The following ZNF804B variants were observed in gnomAD, a reference collection of about 807,000 sequenced individuals.
ZNF804B encodes the protein zinc finger 804B.
Under a neutral mutation model 101.4 loss-of-function variants are expected in ZNF804B, and 80 were observed. The ratio of observed to expected loss-of-function variants is 0.79; its 90% CI spans 0.66 to 0.95. The LOEUF (loss-of-function observed/expected upper bound fraction) is 0.95, where lower values mean the gene tolerates loss of function less well. Among genes scored for constraint, ZNF804B ranks in the 40% least tolerant of loss-of-function variants. ZNF804B has a pLI of 0.00. For synonymous variants in ZNF804B, 622 were observed against 558.8 expected, an observed-to-expected ratio of 1.11 and a Z score of -1.59; for missense variants, 1,673 against 1,561.9, an observed-to-expected ratio of 1.07 and a Z score of -1.20.
chr7:89,058,098 A>G (rs1027528072), intron 1 of ZNF804B, among the ~76,000 whole-genome samples: 4 of 152,134 alleles, frequency 2.6e-5, no homozygotes, highest in Admixed American at 1.3e-4. Flanking sequence ...CCATTTCATT[A>G]ACTTTGATTA....
chr7:89,100,340 G>A (rs1790035992), intron 1 of ZNF804B, among the ~76,000 whole-genome samples: 1 of 152,106 alleles, frequency 6.6e-6, no homozygotes, highest in Non-Finnish European at 1.5e-5. Context: ...TTAAATCGAA[G>A]CCATCCAACT....
intron 2 of ZNF804B, among the ~76,000 whole-genome samples, chr7:89,323,312 G>A (rs1562945565): frequency 6.6e-6 from 1 of 152,164 alleles, no homozygotes; most frequent in African/African-American, 2.4e-5. Context: ...ACACTAGAAT[G>A]ACACAAGAAC....
At chr7:89,160,932 T>C (rs1274902454) in intron 1 of ZNF804B, among the ~76,000 whole-genome samples, 1 of 152,178 alleles carries the variant, frequency 6.6e-6, no homozygotes, top group African/African-American at 2.4e-5. Flanking sequence ...GAATTAAAAC[T>C]AGAATTCAGA....
rs778944935 is a variant in ZNF804B at position 89,011,621 on chromosome 7, A to G, written c.109-206534A>G. On this transcript the variant is annotated intron_variant, in intron 1 of 3. Coordinates refer to ENST00000333190, the MANE Select transcript of ZNF804B (RefSeq NM_181646.5). ...AGGGCTACAGATTCCATGCAACTCC[A>G]CAACCCAATAGGGCAGTCAGTAAAC... Among the ~76,000 whole-genome samples the G allele has an allele frequency of 9.9e-5, 15 of 152,256 alleles. No individual in the cohort carries two copies. In the Middle Eastern group the frequency reaches 0.02, roughly 207 times the overall value.
At chr7:89,258,988 T>C (rs542688142) in intron 2 of ZNF804B, among the ~76,000 whole-genome samples, 59 of 152,244 alleles carry the variant, frequency 3.9e-4, no homozygotes, top group South Asian at 2.9e-3. Flanking sequence ...ATTTTTTTTT[T>C]GCTTTTTCAT....
intron 1 of ZNF804B, among the ~76,000 whole-genome samples, chr7:88,958,304 C>A (rs1464498636): frequency 2.6e-5 from 4 of 151,344 alleles, no homozygotes. Context: ...AAGTTCATTA[C>A]CTTGAAAATT....
At chr7:89,299,500 T>C (rs1790444948) in intron 2 of ZNF804B, among the ~76,000 whole-genome samples, 1 of 152,088 alleles carries the variant, frequency 6.6e-6, no homozygotes, top group South Asian at 2.1e-4. Context: ...GTTTTATTCA[T>C]ATATGCCAAC....
intron 1 of ZNF804B, among the ~76,000 whole-genome samples, chr7:89,030,430 T>C (rs1396615162): frequency 1.3e-5 from 2 of 152,132 alleles, no homozygotes; most frequent in Admixed American, 6.6e-5. Flanking sequence ...AGAGAGTATA[T>C]TGATTTATTA....
chr7:89,008,984 G>T (rs928713154), intron 1 of ZNF804B, among the ~76,000 whole-genome samples: 1 of 152,042 alleles, frequency 6.6e-6, no homozygotes, highest in African/African-American at 2.4e-5. Context: ...GTGATACAGG[G>T]TCATATACCT....
intron 2 of ZNF804B, among the ~76,000 whole-genome samples, chr7:89,318,838 G>A (rs1324286114): frequency 6.6e-6 from 1 of 150,812 alleles, no homozygotes; most frequent in Admixed American, 6.6e-5. Context: ...AAATATAGAG[G>A]TGTGAAGTGG....
At chr7:88,808,590 AGAAT>A (rs1219628424) in intron 1 of ZNF804B, among the ~76,000 whole-genome samples, 1 of 152,180 alleles carries the variant, frequency 6.6e-6, no homozygotes, top group Admixed American at 6.5e-5. Context: ...TTATGTCTCA[AGAAT>A]ATATGTGGAT....
At chr7:88,952,299 T>G (rs920898203) in intron 1 of ZNF804B, among the ~76,000 whole-genome samples, 1 of 151,834 alleles carries the variant, frequency 6.6e-6, no homozygotes, top group African/African-American at 2.4e-5. Context: ...TGTCTGAAAT[T>G]TTTAGAGAAA....
rs115539277 is a variant in ZNF804B, at chr7:89,135,116, A to G, written c.109-83039A>G. 9.0e-3 allele frequency among the ~76,000 whole-genome samples: 1,368 copies of G among 152,226 alleles called. 22 individuals are homozygous for G. Among genetic ancestry groups the G allele is most frequent in the African/African-American group, 0.031 (1,276 of 41,568 alleles). On this transcript the variant is annotated intron_variant, in intron 1 of 3. Transcript: ENST00000333190. ...TCATTAATGAACTGTTTCAAAGCGA[A>G]TCAAGACCAAGCTCAAGCATCCATC...
chr7:89,327,657 A>T (rs925910415), intron 3 of ZNF804B, among the ~76,000 whole-genome samples, 183 bp downstream of exon 3: 2 of 152,116 alleles, frequency 1.3e-5, no homozygotes, highest in African/African-American at 4.8e-5. Context: ...TTCTTTCCTA[A>T]TATTGTTAAT....
intron 1 of ZNF804B, among the ~76,000 whole-genome samples, chr7:88,813,707 A>G (rs912518218): frequency 2.0e-5 from 3 of 152,162 alleles, no homozygotes; most frequent in Admixed American, 2.0e-4. Flanking sequence ...ACTTAGGACA[A>G]TTTTTCAAGT....
chr7:89,229,794 A>G (rs1441508386), intron 2 of ZNF804B, among the ~76,000 whole-genome samples: 2 of 152,198 alleles, frequency 1.3e-5, no homozygotes, highest in African/African-American at 2.4e-5. Context: ...AACATTCACC[A>G]AGAAAGACTA....
At chr7:89,150,863 A>C (rs1790865326) in intron 1 of ZNF804B, among the ~76,000 whole-genome samples, 1 of 152,112 alleles carries the variant, frequency 6.6e-6, no homozygotes, top group South Asian at 2.1e-4. Flanking sequence ...GATGGTATAC[A>C]GATATTGTGA....
intron 1 of ZNF804B, among the ~76,000 whole-genome samples, chr7:88,859,966 A>G (rs930442335): frequency 6.6e-6 from 1 of 151,792 alleles, no homozygotes; most frequent in African/African-American, 2.4e-5. Context: ...ATTGAGAAAA[A>G]TCAATATTTT....
chr7:89,153,474 A>G (rs984724231), intron 1 of ZNF804B, among the ~76,000 whole-genome samples: 1 of 148,278 alleles, frequency 6.7e-6, no homozygotes, highest in Non-Finnish European at 1.5e-5. Context: ...TTTTTGCTCT[A>G]TTTTCTTTTT....
Sources: gnomAD v4.1 joint callset for allele counts (sites outside exome capture counted in the v4.1 genomes callset) on GRCh38, gnomAD v4.1.1 for gene constraint, MANE v1.5 for transcripts, NCBI Gene and HGNC (gene_info 2026-07-23, HGNC 2026-07-21) for gene names.